SYNPR: variants seen among roughly 807,000 people sequenced by gnomAD.
SYNPR encodes synaptoporin.
Under a neutral mutation model 32.9 loss-of-function variants are expected in SYNPR, and 23 were observed. The ratio of observed to expected loss-of-function variants is 0.70; its 90% CI spans 0.50 to 0.99. The LOEUF (loss-of-function observed/expected upper bound fraction) is 0.99, where lower values mean the gene tolerates loss of function less well. Ranked by LOEUF, SYNPR falls within the 50% of genes least tolerant of loss-of-function variation. SYNPR has a pLI of 0.00. For missense variants in SYNPR, 318 were observed against 349.3 expected (o/e 0.91, Z 0.71); for synonymous variants, 146 against 135.9 (o/e 1.07, Z -0.52).
At chr3:63,549,086 C>T in intron 3 of SYNPR, among the ~76,000 whole-genome samples, 1 of 152,158 alleles carries the variant, frequency 6.6e-6, no homozygotes, top group African/African-American at 2.4e-5. Flanking sequence ...TTCATTTACC[C>T]TTTACTTGTT....
chr3:63,404,470 A>G (rs1287424555), intron 2 of SYNPR, among the ~76,000 whole-genome samples: 1 of 152,186 alleles, frequency 6.6e-6, no homozygotes, highest in Admixed American at 6.5e-5. Context: ...AAAATCAATT[A>G]TCAATTATCT....
chr3:63,328,786 T>C (rs979173470), intron 2 of SYNPR, among the ~76,000 whole-genome samples: 3 of 152,166 alleles, frequency 2.0e-5, no homozygotes, highest in Non-Finnish European at 4.4e-5. Flanking sequence ...GCCACATTTA[T>C]TGGTGGCTTC....
chr3:63,583,778 A>T (rs1296663943), intron 4 of SYNPR, among the ~76,000 whole-genome samples: 2 of 152,242 alleles, frequency 1.3e-5, no homozygotes, highest in Middle Eastern at 3.4e-3. Context: ...TTGTTAAGTC[A>T]ATGATCTATT....
At position 63,283,623 on chromosome 3, in the gene SYNPR, C is replaced by CTTT. The variant is rs10650958; in HGVS notation, c.84+4898_84+4900dup. On this transcript the variant is annotated intron_variant, in intron 2 of 5. Coordinates refer to ENST00000478300, the MANE Select transcript of SYNPR (RefSeq NM_001130003.2). ...ATAGTCCTGTCTTCCACAGATAATT[C>CTTT]TTTTTTTTTTTTTTTTTTTGAGACG... Among the ~76,000 whole-genome samples the CTTT allele has an allele frequency of 5.2e-3, 581 of 111,516 alleles. 36 individuals are homozygous for CTTT. Among genetic ancestry groups the CTTT allele is most frequent in the African/African-American group, 0.016 (452 of 28,930 alleles). The allele number at this position is 111,516 out of a possible 152,430, so 73.2% of individuals were successfully genotyped here.
intron 2 of SYNPR, among the ~76,000 whole-genome samples, chr3:63,369,681 AC>A (rs1209017603): frequency 6.6e-6 from 1 of 152,156 alleles, no homozygotes; most frequent in African/African-American, 2.4e-5. Context: ...ACAAACCACT[AC>A]CCACTGGTGT....
At chr3:63,289,660 A>C (rs2086719636) in intron 2 of SYNPR, among the ~76,000 whole-genome samples, 1 of 152,102 alleles carries the variant, frequency 6.6e-6, no homozygotes, top group Non-Finnish European at 1.5e-5. Context: ...CACCTCCTAA[A>C]TTACGGATCG....
intron 3 of SYNPR, among the ~76,000 whole-genome samples, chr3:63,486,834 A>C (rs2106707833): frequency 6.6e-6 from 1 of 152,256 alleles, no homozygotes; most frequent in East Asian, 1.9e-4. Context: ...GGTCTTATAC[A>C]AAGAATCTTA....
At chr3:63,251,629 G>C (rs773839210) in intron 1 of SYNPR, among the ~76,000 whole-genome samples, 1 of 152,070 alleles carries the variant, frequency 6.6e-6, no homozygotes, top group South Asian at 2.1e-4. Context: ...CTGTGTCTGA[G>C]AGCAACGTAG....
chr3:63,599,058 C>G (rs986939261), intron 4 of SYNPR, among the ~76,000 whole-genome samples: 2 of 152,100 alleles, frequency 1.3e-5, no homozygotes, highest in African/African-American at 4.8e-5. Flanking sequence ...TAACTGCAAG[C>G]CTTCTGCTTA....
At chr3:63,516,836 T>G (rs1342311277) in intron 3 of SYNPR, among the ~76,000 whole-genome samples, 1 of 152,164 alleles carries the variant, frequency 6.6e-6, no homozygotes, top group East Asian at 1.9e-4. Context: ...GGAAGCAACT[T>G]TTCTCTTGCT....
intron 2 of SYNPR, among the ~76,000 whole-genome samples, chr3:63,311,853 A>G (rs2086967514): frequency 6.6e-6 from 1 of 152,026 alleles, no homozygotes; most frequent in African/African-American, 2.4e-5. Flanking sequence ...TTAATACCCT[A>G]TTGAACTCAG....
chr3:63,442,056 G>A (rs1222737687), intron 2 of SYNPR, among the ~76,000 whole-genome samples: 1 of 152,078 alleles, frequency 6.6e-6, no homozygotes, highest in African/African-American at 2.4e-5. Context: ...TGGTTGGTTG[G>A]TTTGGTCCCC....
intron 3 of SYNPR, among the ~76,000 whole-genome samples, chr3:63,534,119 C>T (rs1702159355): frequency 6.6e-6 from 1 of 152,084 alleles, no homozygotes; most frequent in Non-Finnish European, 1.5e-5. Context: ...ATAGCTTGTC[C>T]ACCATTGATG....
chr3:63,333,497 C>A (rs2087251984), intron 2 of SYNPR, among the ~76,000 whole-genome samples: 1 of 152,092 alleles, frequency 6.6e-6, no homozygotes, highest in Admixed American at 6.5e-5. Context: ...GTTCACCGCA[C>A]CCTCAACCTC....
At chr3:63,470,433 A>T (rs182411416) in intron 2 of SYNPR, among the ~76,000 whole-genome samples, 56 of 152,278 alleles carry the variant, frequency 3.7e-4, no homozygotes, top group Non-Finnish European at 7.1e-4. Context: ...GATTTGTATC[A>T]GGCTTCATGT....
At chr3:63,327,308 G>A (rs552708893) in intron 2 of SYNPR, among the ~76,000 whole-genome samples, 2 of 151,964 alleles carry the variant, frequency 1.3e-5, no homozygotes, top group Non-Finnish European at 2.9e-5. Context: ...ATATAACTTT[G>A]GATAACCTCA....
At chr3:63,248,115 A>G (rs17366806) in intron 1 of SYNPR, among the ~76,000 whole-genome samples, 24,440 of 152,080 alleles carry the variant, frequency 0.16, 2,288 homozygotes, top group Non-Finnish European at 0.21. Context: ...CAGTTCCAGA[A>G]AGGTCTGTTC....
upstream of SYNPR, among the ~76,000 whole-genome samples, chr3:63,276,620 T>TCCCCCC (rs11398109): frequency 7.0e-6 from 1 of 142,032 alleles, no homozygotes; most frequent in African/African-American, 2.6e-5. Flanking sequence ...TAGTGTTAGT[T>TCCCCCC]CCCCCCACCC....
intron 3 of SYNPR, among the ~76,000 whole-genome samples, chr3:63,555,099 AG>A (rs757108923): frequency 2.2e-4 from 33 of 152,032 alleles, no homozygotes; most frequent in Non-Finnish European, 3.7e-4. Flanking sequence ...TATCAGTTTT[AG>A]TAGGCTTTTA....
Sources: allele counts gnomAD v4.1 joint callset (sites outside exome capture counted in the v4.1 genomes callset), GRCh38; gene constraint gnomAD v4.1.1; transcripts MANE v1.5; gene names NCBI Gene and HGNC (gene_info 2026-07-23, HGNC 2026-07-21).